The following POLR3B variants were observed in gnomAD, a reference collection of about 807,000 sequenced individuals.
POLR3B encodes RNA polymerase III subunit B.
A neutral mutation model predicts 147.4 loss-of-function variants in POLR3B; 96 were observed. That is an observed-to-expected ratio of 0.65 (90% confidence interval 0.55 to 0.77). The LOEUF is 0.77. POLR3B is among the 30% of genes least tolerant of loss of function. POLR3B has a pLI of 0.00. For synonymous variants in POLR3B, 461 were observed against 485.9 expected (o/e 0.95, Z 0.67); for missense variants, 1,036 against 1,413.5 (o/e 0.73, Z 4.28).
rs936434505 is a variant in POLR3B at position 106,366,541 on chromosome 12, T to G, written c.131T>G (p.Ile44Arg). The change falls in exon 3 of 28, where the codon ATA (isoleucine) becomes AGA (arginine). Residue 44 changes from isoleucine to arginine, a missense_variant. This residue lies in a region of POLR3B where 150 missense variants were observed against 145.5 expected (regional missense o/e 1.03). Coordinates refer to ENST00000228347, the MANE Select transcript of POLR3B (RefSeq NM_018082.6). The part of the protein sequence containing the change: ...LKVKGLVKQH[I>R]DSFNYFINVE... Reference sequence around the variant, plus strand: ...GTGAAAGGCCTTGTGAAACAGCATATAGATTCATTTAACTATTTCATTAAT... The same window carrying G: ...GTGAAAGGCCTTGTGAAACAGCATAGAGATTCATTTAACTATTTCATTAAT... 6 of 1,609,806 alleles carry G rather than the reference T, an allele frequency of 3.7e-6. No homozygotes were observed. Among genetic ancestry groups the G allele is most frequent in the African/African-American group, 2.7e-5 (2 of 74,824 alleles).
intron 1 of POLR3B, among the ~76,000 whole-genome samples, chr12:106,360,981 G>T (rs1014040953): frequency 6.6e-6 from 1 of 152,192 alleles, no homozygotes; most frequent in African/African-American, 2.4e-5. Flanking sequence ...AAGTGTGGTG[G>T]TGCGGAAGCA....
chr12:106,508,668 A>T (rs748536772), intron 27 of POLR3B, among the ~76,000 whole-genome samples: 3 of 152,242 alleles, frequency 2.0e-5, no homozygotes, highest in Non-Finnish European at 2.9e-5. Flanking sequence ...GAAAGAAGAG[A>T]AATTAAAGTC....
At chr12:106,445,052 C>T (rs7136383) in intron 19 of POLR3B, among the ~76,000 whole-genome samples, 3,062 of 152,264 alleles carry the variant, frequency 0.02, 102 homozygotes, top group African/African-American at 0.066. Flanking sequence ...CTTGCAATTG[C>T]TAGTGTATCT....
chr12:106,474,930 C>A (rs1423157968), intron 23 of POLR3B, among the ~76,000 whole-genome samples: 42 of 140,926 alleles, frequency 3.0e-4, no homozygotes, highest in Non-Finnish European at 5.2e-4. Context: ...TTCGCTCTTG[C>A]TTTTCTAGTT....
intron 26 of POLR3B, among the ~76,000 whole-genome samples, chr12:106,502,711 A>C (rs892523321): frequency 1.3e-5 from 2 of 152,116 alleles, no homozygotes; most frequent in African/African-American, 4.8e-5. Context: ...TGATAGACAT[A>C]TGTGTGCTTA....
intron 20 of POLR3B, among the ~76,000 whole-genome samples, chr12:106,456,631 G>T (rs1325510260): frequency 6.6e-6 from 1 of 152,148 alleles, no homozygotes; most frequent in African/African-American, 2.4e-5. Context: ...TGCACCAAAA[G>T]GATGTGTATC....
intron 11 of POLR3B, among the ~76,000 whole-genome samples, chr12:106,406,709 T>C (rs1308454073): frequency 1.3e-5 from 2 of 152,240 alleles, no homozygotes; most frequent in Non-Finnish European, 2.9e-5. Flanking sequence ...ATGTAATATT[T>C]ATTTTTTATT....
rs959207384 is a variant in POLR3B at position 106,394,234 on chromosome 12, G to A, written c.846+1081G>A. ...ATCAGTAAGGATTATTCTCATCACC[G>A]TCTTCCTCTTTTTCTACAGTTAATT... On this transcript the variant is annotated intron_variant, in intron 10 of 27. Transcript: ENST00000228347. Among the ~76,000 whole-genome samples the A allele has an allele frequency of 2.0e-4, 30 of 152,190 alleles. No homozygotes were observed. The South Asian group carries it at 2.5e-3, about 13-fold the overall frequency.
At chr12:106,471,623 T>C (rs2038093832) in intron 23 of POLR3B, among the ~76,000 whole-genome samples, 1 of 152,052 alleles carries the variant, frequency 6.6e-6, no homozygotes, top group Non-Finnish European at 1.5e-5. Flanking sequence ...ACTAAACTTC[T>C]TGAAGGCAGA....
At chr12:106,432,241 T>G in intron 14 of POLR3B, 77 bp from the exon 15 acceptor site, 224 of 1,327,694 alleles carry the variant, frequency 1.7e-4, no homozygotes, top group Non-Finnish European at 2.2e-4. Context: ...AGCAAAGTAG[T>G]GAGCTATTTT....
chr12:106,483,901 G>A (rs1185552402), intron 23 of POLR3B, among the ~76,000 whole-genome samples: 2 of 152,206 alleles, frequency 1.3e-5, no homozygotes, highest in South Asian at 2.1e-4. Flanking sequence ...TCGGATTGAC[G>A]AAAAGTATAG....
At chr12:106,406,171 CCAT>C (rs2136932321) in intron 11 of POLR3B, among the ~76,000 whole-genome samples, 195 bp downstream of exon 11, 1 of 152,202 alleles carries the variant, frequency 6.6e-6, no homozygotes, top group South Asian at 2.1e-4. Context: ...AGCTGTATCG[CCAT>C]CATCATGTTT....
Position 106,454,500 on chromosome 12 carries a change from AG to A in POLR3B, c.2084del. The A allele has an allele frequency of 6.9e-7, 1 of 1,456,846 alleles. No individual in the cohort carries two copies. The highest frequency in any genetic ancestry group is 9.6e-7 in the Non-Finnish European group (1 of 1,036,748). 90.2% of individuals were successfully genotyped at this position (1,456,846 alleles called of 1,614,324 possible). A position where few individuals can be genotyped will look rare whatever the true frequency, so the allele number is the denominator to read the frequency against. On this transcript the variant is annotated splice_acceptor_variant, in intron 19 of 27. Coordinates refer to ENST00000228347, the MANE Select transcript of POLR3B (RefSeq NM_018082.6). LOFTEE classifies it high-confidence loss of function. ...ATTTTGTTTTCTCCCATATCAATGC[AG>A]GTACTATAGGATACAACCAGCGAAA...
At chr12:106,447,896 T>C (rs1473734404) in intron 19 of POLR3B, among the ~76,000 whole-genome samples, 6 of 152,218 alleles carry the variant, frequency 3.9e-5, no homozygotes, top group Admixed American at 3.3e-4. Context: ...ATAGATTTTA[T>C]TCCTAAGTAG....
intron 9 of POLR3B, among the ~76,000 whole-genome samples, chr12:106,389,720 T>G (rs2036888820): frequency 6.6e-6 from 1 of 152,150 alleles, no homozygotes; most frequent in African/African-American, 2.4e-5. Flanking sequence ...GTGTCATGTC[T>G]GTACTCAGAA....
intron 1 of POLR3B, among the ~76,000 whole-genome samples, chr12:106,361,133 A>T (rs987580967): frequency 2.0e-5 from 3 of 152,228 alleles, no homozygotes; most frequent in Non-Finnish European, 4.4e-5. Flanking sequence ...TCAGCTGTGC[A>T]CATGAGGACA....
chr12:106,386,853 G>A (rs2036846689), intron 9 of POLR3B, among the ~76,000 whole-genome samples: 1 of 151,856 alleles, frequency 6.6e-6, no homozygotes, highest in African/African-American at 2.4e-5. Flanking sequence ...CATGCAGTGA[G>A]CCAAGATCAC....
intron 13 of POLR3B, among the ~76,000 whole-genome samples, chr12:106,429,296 C>T (rs968969554): frequency 1.4e-4 from 21 of 152,154 alleles, no homozygotes; most frequent in Non-Finnish European, 2.9e-4. Flanking sequence ...TGCACCACCA[C>T]GCCCAGCTAG....
At chr12:106,397,037 A>T (rs545310754) in intron 10 of POLR3B, among the ~76,000 whole-genome samples, 2 of 151,002 alleles carry the variant, frequency 1.3e-5, no homozygotes, top group Non-Finnish European at 2.9e-5. Flanking sequence ...AGGTGGGAGG[A>T]TTGCCTGAGC....
Sources: allele counts gnomAD v4.1 joint callset (sites outside exome capture counted in the v4.1 genomes callset), GRCh38; gene constraint gnomAD v4.1.1; regional missense constraint gnomAD v4.1.1; transcripts MANE v1.5; gene names NCBI Gene and HGNC (gene_info 2026-07-23, HGNC 2026-07-21).